Variants in TTBK1 observed in about 807,000 individuals in gnomAD.
TTBK1 encodes the protein tau tubulin kinase 1.
TTBK1 carries 34 observed loss-of-function variants against 108.5 expected under a neutral mutation model. The observed-to-expected ratio is 0.31, with a 90% CI of 0.24 to 0.42. TTBK1 has a LOEUF of 0.42. TTBK1 is among the 10% of genes least tolerant of loss of function. TTBK1 has a pLI of 1.00. For missense variants in TTBK1, 1,539 were observed against 1,826.0 expected (o/e 0.84, Z 2.86); for synonymous variants, 809 against 795.1 (o/e 1.02, Z -0.29).
intron 13 of TTBK1, among the ~76,000 whole-genome samples, chr6:43,275,255 C>G (rs1320902826): frequency 2.0e-5 from 3 of 152,038 alleles, no homozygotes; most frequent in Non-Finnish European, 4.4e-5. Flanking sequence ...CGGCCCGCCC[C>G]ACACAGCGCC....
At position 43,276,558 on chromosome 6, in the gene TTBK1, T is replaced by G. The variant is rs1244755487; in HGVS notation, c.1987-6169T>G. 6.6e-6 allele frequency among the ~76,000 whole-genome samples: 1 copy of G among 152,204 alleles called. No homozygotes were observed. The highest frequency in any genetic ancestry group is 2.4e-5 in the African/African-American group (1 of 41,462). On this transcript the variant is annotated intron_variant, in intron 13 of 14. Coordinates refer to ENST00000259750, the MANE Select transcript of TTBK1 (RefSeq NM_032538.3). This position sits in a 1 kb window ranked among gnomAD's most constrained non-coding sequence, Gnocchi z 5.4. Reference sequence around the variant, plus strand: ...GGAGGGGGCGCCCCGCCGTCACGCGTCGCTGTGCGAGGGATTTTGTGCCTT... The same window carrying G: ...GGAGGGGGCGCCCCGCCGTCACGCGGCGCTGTGCGAGGGATTTTGTGCCTT...
At chr6:43,244,005 G>A (rs1777024377) in intron 1 of TTBK1, among the ~76,000 whole-genome samples, 1 of 151,986 alleles carries the variant, frequency 6.6e-6, no homozygotes, top group South Asian at 2.1e-4. Flanking sequence ...TGTCATCCCT[G>A]ACGAATCATT....
chr6:43,285,145 C>A lies in TTBK1; in HGVS notation c.3735C>A (p.Ala1245=). The A allele has an allele frequency of 7.0e-7, 1 of 1,432,830 alleles. No homozygotes were observed. Among genetic ancestry groups the A allele is most frequent in the Admixed American group, 3.0e-5 (1 of 33,272 alleles). The allele number at this position is 1,432,830 out of a possible 1,614,324, so 88.8% of individuals were successfully genotyped here. The change falls in exon 15 of 15, where the codon GCC becomes GCA. Residue 1245 remains alanine, a synonymous_variant. Transcript: ENST00000259750. The surrounding 1 kb of genome is among the most constrained non-coding windows in gnomAD (Gnocchi z 4.7). ...CGTCCACATCCGCCGCGCGCAATGC[C>A]AGCGCGTCCCCCCGGAGCCAGTCCC... ...LPASTSAARN[A]SASPRSQSLS... is the part of the protein sequence containing the mutation.
At chr6:43,284,363 C>A (rs1371770340) in intron 14 of TTBK1, 51 bp downstream of exon 14, 5 of 1,501,172 alleles carry the variant, frequency 3.3e-6, no homozygotes, top group Non-Finnish European at 4.4e-6. Flanking sequence ...CCACAGGCCT[C>A]CACCAGGAGG....
chr6:43,257,695 G>A lies in TTBK1; in HGVS notation c.862-117G>A, dbSNP rs1161501878. The A allele has an allele frequency of 2.0e-6, 2 of 1,024,406 alleles. No homozygotes were observed. The highest frequency in any genetic ancestry group is 3.2e-5 in the African/African-American group (2 of 61,952). The allele number at this position is 1,024,406 out of a possible 1,614,324, so 63.5% of individuals were successfully genotyped here. On this transcript the variant is annotated intron_variant, in intron 9 of 14. Coordinates refer to ENST00000259750, the MANE Select transcript of TTBK1 (RefSeq NM_032538.3). The surrounding 1 kb of genome is among the most constrained non-coding windows in gnomAD (Gnocchi z 4.5). ...GTTCTCCTTCCAATGCCCCCTCCAG[G>A]CCCATTCCTGTCCTGGAAAGTCCCT...
rs1376129492 is a variant in TTBK1 at position 43,276,119 on chromosome 6, C to A, written c.1987-6608C>A. Among the ~76,000 whole-genome samples the A allele has an allele frequency of 5.3e-5, 8 of 152,108 alleles. No individual in the cohort carries two copies. The highest frequency in any genetic ancestry group is 1.9e-4 in the African/African-American group (8 of 41,402). The stretch of plus-strand genomic sequence containing the variant: ...GAGGACCCTCGCGGAGGTCCTGAGT[C>A]CCAGTCGGTTTATTCCTGAGCCTTC... On this transcript the variant is annotated intron_variant, in intron 13 of 14. Coordinates refer to ENST00000259750, the MANE Select transcript of TTBK1 (RefSeq NM_032538.3). This position sits in a 1 kb window ranked among gnomAD's most constrained non-coding sequence, Gnocchi z 5.4.
rs1306788270 is a variant in TTBK1, at chr6:43,254,273, G to A, written c.472-274G>A. Among the ~76,000 whole-genome samples, 6 of 152,246 alleles carry A rather than the reference G, an allele frequency of 3.9e-5. No individual in the cohort carries two copies. The South Asian group carries it at 6.2e-4, about 16-fold the overall frequency. On this transcript the variant is annotated intron_variant, in intron 5 of 14. Transcript: ENST00000259750. ...CCCAAAAATGTGGAGCTGTACAGAC[G>A]TGGCTGAGTCACCACTTGCTGTGTA...
At chr6:43,251,174 C>T (rs546989169) in intron 2 of TTBK1, among the ~76,000 whole-genome samples, 91 of 152,318 alleles carry the variant, frequency 6.0e-4, no homozygotes, top group African/African-American at 2.1e-3. Flanking sequence ...TGGGAACTCC[C>T]AGCCCTCCAG....
chr6:43,257,028 G>A lies in TTBK1; in HGVS notation c.862-784G>A, dbSNP rs910742522. ...CTGGGATCCACTACACGCCAGGCAC[G>A]ATGCTGCATACTGTAGGAGTAGAGA... On this transcript the variant is annotated intron_variant, in intron 9 of 14. Coordinates refer to ENST00000259750, the MANE Select transcript of TTBK1 (RefSeq NM_032538.3). This position sits in a 1 kb window ranked among gnomAD's most constrained non-coding sequence, Gnocchi z 4.5. Among the ~76,000 whole-genome samples the A allele has an allele frequency of 1.3e-5, 2 of 152,156 alleles. No homozygotes were observed. The highest frequency in any genetic ancestry group is 1.9e-4 in the East Asian group (1 of 5,192).
rs147682808 is a variant in TTBK1 at position 43,252,985 on chromosome 6, G to A, written c.256+99G>A. 6.1e-4 allele frequency: 880 copies of A among 1,433,520 alleles called. 1 individual carries two copies. In the African/African-American group the frequency reaches 9.9e-3, roughly 16 times the overall value. The allele number at this position is 1,433,520 out of a possible 1,614,324, so 88.8% of individuals were successfully genotyped here. A position where few individuals can be genotyped will look rare whatever the true frequency, so the allele number is the denominator to read the frequency against. ...AAGCTGGGGTGAGGGAGGAGATGTC[G>A]TGTGGTAGAGGGAAAAGGGGATGGA... On this transcript the variant is annotated intron_variant, in intron 3 of 14. Transcript: ENST00000259750.
chr6:43,260,183 A>G (rs751775), intron 12 of TTBK1, among the ~76,000 whole-genome samples: 38,088 of 152,066 alleles, frequency 0.25, 5,035 homozygotes, highest in East Asian at 0.36. Context: ...GGAGGGGACC[A>G]GCGGGAACCT....
chr6:43,284,690 G>A (rs1412464008), intron 14 of TTBK1, among the ~76,000 whole-genome samples: 1 of 152,180 alleles, frequency 6.6e-6, no homozygotes, highest in Non-Finnish European at 1.5e-5. Context: ...ATAAACATAG[G>A]TATATTCTAG....
rs2150686319 is a variant in TTBK1, at chr6:43,253,825, C to G, written c.471+117C>G. 7.5e-7 allele frequency: 1 copy of G among 1,325,444 alleles called. No individual in the cohort carries two copies. The highest frequency in any genetic ancestry group is 2.6e-5 in the East Asian group (1 of 38,946). The allele number at this position is 1,325,444 out of a possible 1,614,324, so 82.1% of individuals were successfully genotyped here. A position where few individuals can be genotyped will look rare whatever the true frequency, so the allele number is the denominator to read the frequency against. ...ATGGTTGGGACTTGTGATGGGACAGCCTCTTCTCCCCAAGCCCCTCCTGCT... is the reference window on the plus strand; with the variant it reads ...ATGGTTGGGACTTGTGATGGGACAGGCTCTTCTCCCCAAGCCCCTCCTGCT... On this transcript the variant is annotated intron_variant, in intron 5 of 14. Coordinates refer to ENST00000259750, the MANE Select transcript of TTBK1 (RefSeq NM_032538.3). This position sits in a 1 kb window ranked among gnomAD's most constrained non-coding sequence, Gnocchi z 5.8.
Position 43,284,443 on chromosome 6 carries a change from G to A in TTBK1, c.3572+131G>A, listed in dbSNP as rs1582528113. On this transcript the variant is annotated intron_variant, in intron 14 of 14. Transcript: ENST00000259750. ...GACCCTCAGTGACACCTCCTGTCCA[G>A]CACCTCCCAACTGTGCTCTGCCTCA... 28 of 1,341,504 alleles carry A rather than the reference G, an allele frequency of 2.1e-5. No homozygotes were observed. The East Asian group carries it at 8.3e-4, about 40-fold the overall frequency. The allele number at this position is 1,341,504 out of a possible 1,614,324, so 83.1% of individuals were successfully genotyped here.
In TTBK1 at chr6:43,282,856, C is replaced by A. The variant is rs779558883; in HGVS notation, c.2116C>A (p.Arg706=). 1 of 1,613,782 alleles carries A rather than the reference C, an allele frequency of 6.2e-7. No homozygotes were observed. Among genetic ancestry groups the A allele is most frequent in the South Asian group, 1.1e-5 (1 of 91,050 alleles). The change falls in exon 14 of 15, where the codon CGG becomes AGG. Residue 706 remains arginine, a synonymous_variant. Transcript: ENST00000259750. This position sits in a 1 kb window ranked among gnomAD's most constrained non-coding sequence, Gnocchi z 5.4. ...RERARLLNRV[R]RVGFSHMLLT... ...ACGGGCGCGGTTGCTCAACAGGGTC[C>A]GGAGGGTGGGCTTCTCGCACATGCT... is the stretch of plus-strand genomic sequence containing the variant.
In TTBK1 at chr6:43,255,785, A is replaced by G; in HGVS notation, c.790A>G (p.Met264Val). 6.2e-7 allele frequency: 1 copy of G among 1,614,116 alleles called. No individual in the cohort carries two copies. The highest frequency in any genetic ancestry group is 8.5e-7 in the Non-Finnish European group (1 of 1,180,008). Residue 264 changes from methionine (M) to valine (V), a missense_variant, in exon 9 of 15, where the codon ATG becomes GTG. Physicochemically the swap from Met to Val is conservative, Grantham distance 21 (BLOSUM62 1). Coordinates refer to ENST00000259750, the MANE Select transcript of TTBK1 (RefSeq NM_032538.3). ...TGAGCACCGGATGCTGCTGAAGCAC[A>G]TGCCGTCAGAGTTCCACCTCTTCCT... ...KYEHRMLLKH[M>V]PSEFHLFLDH...
chr6:43,246,008 C>T (rs576375652), intron 1 of TTBK1, among the ~76,000 whole-genome samples: 44 of 152,364 alleles, frequency 2.9e-4, no homozygotes, highest in South Asian at 2.7e-3. Flanking sequence ...GTTCAGCTCA[C>T]CCTGAGAAAG....
chr6:43,277,505 G>T (rs1287897638), intron 13 of TTBK1, among the ~76,000 whole-genome samples: 1 of 152,220 alleles, frequency 6.6e-6, no homozygotes, highest in African/African-American at 2.4e-5. Flanking sequence ...AAGCCCCGGG[G>T]CATTTAGAAG....
Position 43,278,884 on chromosome 6 carries a change from A to G in TTBK1, c.1987-3843A>G, listed in dbSNP as rs1778075737. On this transcript the variant is annotated intron_variant, in intron 13 of 14. Transcript: ENST00000259750. Reference sequence around the variant, plus strand: ...GGGACTTTGAAACCGAAAAGCCAGCATGCCTAGGTTGGTGTGGGGGTGGCA... The same window carrying G: ...GGGACTTTGAAACCGAAAAGCCAGCGTGCCTAGGTTGGTGTGGGGGTGGCA... Among the ~76,000 whole-genome samples the G allele has an allele frequency of 2.0e-5, 3 of 152,200 alleles. No individual in the cohort carries two copies. The South Asian group carries it at 6.2e-4, about 31-fold the overall frequency.
Sources: allele counts gnomAD v4.1 joint callset (sites outside exome capture counted in the v4.1 genomes callset), GRCh38; gene constraint gnomAD v4.1.1; non-coding constraint Gnocchi (gnomAD v3.1); transcripts MANE v1.5; gene names NCBI Gene and HGNC (gene_info 2026-07-23, HGNC 2026-07-21).